Variants in MSRB3 observed in about 807,000 individuals in gnomAD.
MSRB3 encodes methionine-R-sulfoxide reductase B3.
A neutral mutation model predicts 21.0 loss-of-function variants in MSRB3; 13 were observed. The observed-to-expected ratio is 0.62, with a 90% CI of 0.40 to 0.98. MSRB3 has a LOEUF of 0.98. MSRB3 is among the 50% of genes least tolerant of loss of function. The pLI is 0.00. For synonymous variants in MSRB3, 87 were observed against 88.6 expected, an observed-to-expected ratio of 0.98 and a Z score of 0.10; for missense variants, 199 against 230.3, an observed-to-expected ratio of 0.86 and a Z score of 0.88.
At chr12:65,450,553 A>T (rs967777965) in intron 5 of MSRB3, among the ~76,000 whole-genome samples, 2 of 152,220 alleles carry the variant, frequency 1.3e-5, no homozygotes, top group African/African-American at 4.8e-5. Context: ...CTGTTTATAC[A>T]GGTTTTCACA....
intron 2 of MSRB3, among the ~76,000 whole-genome samples, chr12:65,322,119 A>G (rs1874709288): frequency 6.6e-6 from 1 of 152,202 alleles, no homozygotes; most frequent in South Asian, 2.1e-4. Flanking sequence ...TAGGAAGTTA[A>G]AAAAGCCTTT....
At chr12:65,424,265 A>G (rs1881466895) in intron 5 of MSRB3, among the ~76,000 whole-genome samples, 1 of 151,564 alleles carries the variant, frequency 6.6e-6, no homozygotes, top group Non-Finnish European at 1.5e-5. Context: ...TTTTTAAAAA[A>G]CCAACTTGGT....
chr12:65,347,997 C>T (rs1876644260), intron 4 of MSRB3, among the ~76,000 whole-genome samples: 2 of 152,018 alleles, frequency 1.3e-5, no homozygotes, highest in Non-Finnish European at 1.5e-5. Context: ...CAGTATTTTA[C>T]TGAGGATTTT....
intron 4 of MSRB3, among the ~76,000 whole-genome samples, chr12:65,346,827 A>G (rs1404959661): frequency 1.3e-5 from 2 of 152,232 alleles, no homozygotes; most frequent in Non-Finnish European, 2.9e-5. Flanking sequence ...TCCCAGCACC[A>G]TTTATTAAAT....
At chr12:65,462,973 A>C (rs1338816023) in intron 6 of MSRB3, among the ~76,000 whole-genome samples, 182 bp from the exon 7 acceptor site, 3 of 152,220 alleles carry the variant, frequency 2.0e-5, no homozygotes, top group East Asian at 1.9e-4. Flanking sequence ...TGTTCTCAGC[A>C]TGTGGCGCAA....
intron 4 of MSRB3, among the ~76,000 whole-genome samples, chr12:65,367,881 A>G (rs1214902043): frequency 6.8e-6 from 1 of 146,224 alleles, no homozygotes; most frequent in African/African-American, 2.5e-5. Flanking sequence ...TGTATTACAT[A>G]TTACACATAT....
chr12:65,371,573 A>G (rs959314848), intron 5 of MSRB3, among the ~76,000 whole-genome samples: 1 of 147,880 alleles, frequency 6.8e-6, no homozygotes, highest in Non-Finnish European at 1.5e-5. Context: ...GTTAAATTTT[A>G]TGTGTGTGTG....
At chr12:65,348,999 C>T (rs1342454197) in intron 4 of MSRB3, among the ~76,000 whole-genome samples, 1 of 152,052 alleles carries the variant, frequency 6.6e-6, no homozygotes, top group African/African-American at 2.4e-5. Flanking sequence ...TGCTGGTGCG[C>T]TGCACCCACT....
chr12:65,409,325 C>G (rs942848826), intron 5 of MSRB3, among the ~76,000 whole-genome samples: 1 of 151,912 alleles, frequency 6.6e-6, no homozygotes, highest in Non-Finnish European at 1.5e-5. Context: ...ATTGTGTAGC[C>G]TACTACACAC....
chr12:65,368,923 ACCCC>A (rs57910895), intron 4 of MSRB3, 71 bp from the exon 5 acceptor site: 9 of 209,816 alleles, frequency 4.3e-5, no homozygotes, highest in East Asian at 2.8e-4. Flanking sequence ...TCCCAACCAC[ACCCC>A]CCCCCCCCAT....
intron 5 of MSRB3, among the ~76,000 whole-genome samples, chr12:65,371,823 T>C (rs781718340): frequency 6.6e-6 from 1 of 152,164 alleles, no homozygotes; most frequent in Non-Finnish European, 1.5e-5. Context: ...TGATTTAAAT[T>C]TTTTCTGATC....
intron 4 of MSRB3, among the ~76,000 whole-genome samples, chr12:65,367,191 C>G (rs1878061097): frequency 6.6e-6 from 1 of 152,104 alleles, no homozygotes; most frequent in African/African-American, 2.4e-5. Flanking sequence ...GTCTATACAT[C>G]TTTTTTACAT....
intron 4 of MSRB3, among the ~76,000 whole-genome samples, chr12:65,347,657 T>A (rs991563212): frequency 4.6e-5 from 7 of 152,222 alleles, no homozygotes; most frequent in African/African-American, 1.7e-4. Flanking sequence ...CATCCCTGTC[T>A]TGTGCCAGTT....
At chr12:65,414,909 G>A (rs1880895251) in intron 5 of MSRB3, among the ~76,000 whole-genome samples, 1 of 152,124 alleles carries the variant, frequency 6.6e-6, no homozygotes, top group African/African-American at 2.4e-5. Context: ...TATTAATTTA[G>A]AGGTGCTTAT....
At chr12:65,437,876 C>T (rs891817505) in intron 5 of MSRB3, among the ~76,000 whole-genome samples, 1 of 151,870 alleles carries the variant, frequency 6.6e-6, no homozygotes, top group Non-Finnish European at 1.5e-5. Flanking sequence ...ATGAGACACA[C>T]TGGCTGAAGT....
chr12:65,463,137 T>C lies in MSRB3; in HGVS notation c.391-18T>C, dbSNP rs765410681. On this transcript the variant is annotated intron_variant, in intron 6 of 6. Transcript: ENST00000308259. ...CTTTGTACATGCTTTTCCCTGACGTTTTGTTCTTCTCTTTCAGTGTGGTGC... is the reference window on the plus strand; with the variant it reads ...CTTTGTACATGCTTTTCCCTGACGTCTTGTTCTTCTCTTTCAGTGTGGTGC... 7 of 1,613,936 alleles carry C rather than the reference T, an allele frequency of 4.3e-6. No homozygotes were observed. Among genetic ancestry groups the C allele is most frequent in the Non-Finnish European group, 5.9e-6 (7 of 1,180,002 alleles).
intron 4 of MSRB3, among the ~76,000 whole-genome samples, chr12:65,365,795 T>C (rs1877976626): frequency 6.6e-6 from 1 of 152,098 alleles, no homozygotes; most frequent in Non-Finnish European, 1.5e-5. Flanking sequence ...CTGAGAGTAA[T>C]GCAAATTTAA....
chr12:65,419,421 C>T (rs980907031), intron 5 of MSRB3: 1 of 749,672 alleles, frequency 1.3e-6, no homozygotes, highest in South Asian at 1.4e-5. Context: ...CGATCTCTGT[C>T]TTCAGCTGCA....
At chr12:65,438,442 G>A (rs1882219674) in intron 5 of MSRB3, among the ~76,000 whole-genome samples, 1 of 151,882 alleles carries the variant, frequency 6.6e-6, no homozygotes, top group African/African-American at 2.4e-5. Context: ...TCTACAGACT[G>A]AATAGGCTCA....
Sources: gnomAD v4.1 joint callset for allele counts (sites outside exome capture counted in the v4.1 genomes callset) on GRCh38, gnomAD v4.1.1 for gene constraint, MANE v1.5 for transcripts, NCBI Gene and HGNC (gene_info 2026-07-23, HGNC 2026-07-21) for gene names.